The following PDE4D variants were observed in gnomAD, a reference collection of about 807,000 sequenced individuals.
PDE4D encodes the protein 3',5'-cyclic-AMP phosphodiesterase 4D.
A neutral mutation model predicts 87.4 loss-of-function variants in PDE4D; 24 were observed. That is an observed-to-expected ratio of 0.27 (90% CI 0.20 to 0.39). The LOEUF (loss-of-function observed/expected upper bound fraction) is 0.39, where lower values mean the gene tolerates loss of function less well. PDE4D is among the 10% of genes least tolerant of loss of function. The probability of loss-of-function intolerance (pLI) is 1.00; values close to 1 mark genes in which losing one functional copy is unlikely to be tolerated. For synonymous variants in PDE4D, 384 were observed against 383.2 expected (o/e 1.00, Z -0.02); for missense variants, 714 against 1,041.0 (o/e 0.69, Z 4.32).
At chr5:59,182,019 C>T (rs1253272460) in intron 4 of PDE4D, among the ~76,000 whole-genome samples, 1 of 152,008 alleles carries the variant, frequency 6.6e-6, no homozygotes, top group African/African-American at 2.4e-5. Context: ...GCCTCTGGCT[C>T]CCTTTCATTG....
At chr5:59,931,149 A>C (rs1227321694) in intron 3 of PDE4D, among the ~76,000 whole-genome samples, 1 of 152,238 alleles carries the variant, frequency 6.6e-6, no homozygotes, top group African/African-American at 2.4e-5. Flanking sequence ...AAGAAGAGAG[A>C]ACTGTACAAA....
intron 1 of PDE4D, among the ~76,000 whole-genome samples, chr5:60,227,731 A>T (rs928835723): frequency 6.6e-6 from 1 of 152,030 alleles, no homozygotes; most frequent in African/African-American, 2.4e-5. Context: ...GGCCTCTTAA[A>T]TTGGTTCTCC....
At chr5:60,366,230 C>T (rs1760529744) in intron 1 of PDE4D, among the ~76,000 whole-genome samples, 1 of 151,992 alleles carries the variant, frequency 6.6e-6, no homozygotes, top group Non-Finnish European at 1.5e-5. Context: ...GTGCAGATAG[C>T]ATGCTTTTTT....
chr5:60,329,650 A>C (rs1016147839), intron 1 of PDE4D, among the ~76,000 whole-genome samples: 2 of 152,206 alleles, frequency 1.3e-5, no homozygotes, highest in African/African-American at 4.8e-5. Flanking sequence ...ATATGTAAGC[A>C]AAGGGTAAAG....
chr5:59,011,233 C>T (rs1369295973), intron 6 of PDE4D, among the ~76,000 whole-genome samples: 3 of 152,130 alleles, frequency 2.0e-5, no homozygotes, highest in African/African-American at 7.2e-5. Flanking sequence ...ATCAGAGCTC[C>T]TCTTCTCCTC....
chr5:60,275,265 T>C (rs1485679446), intron 1 of PDE4D, among the ~76,000 whole-genome samples: 1 of 152,196 alleles, frequency 6.6e-6, no homozygotes, highest in Non-Finnish European at 1.5e-5. Context: ...TTTTCTGCTC[T>C]TCATTACATA....
chr5:60,154,702 C>T (rs1781809155), intron 2 of PDE4D, among the ~76,000 whole-genome samples: 1 of 152,154 alleles, frequency 6.6e-6, no homozygotes, highest in Admixed American at 6.5e-5. Context: ...TTATCAGCAC[C>T]CAGAAGTCCC....
At chr5:59,784,250 T>C (rs569933925) in intron 1 of PDE4D, among the ~76,000 whole-genome samples, 1 of 150,376 alleles carries the variant, frequency 6.6e-6, no homozygotes, top group Admixed American at 6.6e-5. Context: ...TTTTTTTTTT[T>C]TTAAAAAAAA....
At chr5:60,513,303 T>C (rs1033596541) in intron 1 of PDE4D, among the ~76,000 whole-genome samples, 1 of 152,110 alleles carries the variant, frequency 6.6e-6, no homozygotes. Flanking sequence ...AGTAGCCATG[T>C]TCACACCATA....
intron 1 of PDE4D, among the ~76,000 whole-genome samples, chr5:60,366,777 A>C (rs984407701): frequency 2.0e-5 from 3 of 152,232 alleles, no homozygotes; most frequent in African/African-American, 7.2e-5. Flanking sequence ...GCAGCCGTAC[A>C]GCCCTGGGAG....
intron 1 of PDE4D, among the ~76,000 whole-genome samples, chr5:60,323,551 G>C (rs903957528): frequency 6.6e-6 from 1 of 152,084 alleles, no homozygotes; most frequent in African/African-American, 2.4e-5. Context: ...TTCTCTGCTG[G>C]TCTTTCCCCA....
Position 59,527,428 on chromosome 5 carries a change from A to G in PDE4D, c.456-311460T>C, listed in dbSNP as rs554680664. Among the ~76,000 whole-genome samples the G allele has an allele frequency of 2.0e-5, 3 of 152,334 alleles. No individual in the cohort carries two copies. In the South Asian group the frequency reaches 6.2e-4, roughly 32 times the overall value. On this transcript the variant is annotated intron_variant, in intron 1 of 14. Transcript: ENST00000340635. ...GAACAGTATATTACAGCAGGCAAAG[A>G]AGTTCAGTTGAAAGTTATACTCCTA... is the stretch of plus-strand genomic sequence containing the variant.
chr5:60,181,991 A>G (rs1465301767), intron 2 of PDE4D, among the ~76,000 whole-genome samples: 1 of 152,198 alleles, frequency 6.6e-6, no homozygotes, highest in African/African-American at 2.4e-5. Context: ...GCCAGTAAGA[A>G]AGCAGGCATT....
chr5:59,085,237 T>C (rs1489810677), intron 5 of PDE4D, among the ~76,000 whole-genome samples: 5 of 152,126 alleles, frequency 3.3e-5, no homozygotes, highest in Admixed American at 3.3e-4. Context: ...ATATAGAGAA[T>C]TGTATTTAAT....
chr5:60,219,479 G>C (rs1018017242), intron 1 of PDE4D, among the ~76,000 whole-genome samples: 10 of 152,122 alleles, frequency 6.6e-5, no homozygotes, highest in African/African-American at 2.4e-4. Flanking sequence ...GCACCAGAAA[G>C]TTTTCAATAC....
intron 1 of PDE4D, among the ~76,000 whole-genome samples, chr5:60,386,924 G>A (rs1405209300): frequency 1.3e-5 from 2 of 152,058 alleles, no homozygotes; most frequent in Non-Finnish European, 2.9e-5. Flanking sequence ...CTGTCACCAT[G>A]TCTGATAGAA....
At chr5:60,209,300 C>T (rs1316427253) in intron 1 of PDE4D, among the ~76,000 whole-genome samples, 3 of 147,054 alleles carry the variant, frequency 2.0e-5, no homozygotes, top group Non-Finnish European at 4.5e-5. Flanking sequence ...CCTAATGATA[C>T]GTAGCTTCCC....
chr5:59,047,835 A>G (rs936154262), intron 5 of PDE4D, among the ~76,000 whole-genome samples: 1 of 152,188 alleles, frequency 6.6e-6, no homozygotes, highest in African/African-American at 2.4e-5. Flanking sequence ...GTGCCATTAT[A>G]AGAAGAGGCC....
At chr5:59,641,242 TAA>T (rs922192270) in intron 1 of PDE4D, among the ~76,000 whole-genome samples, 4 of 151,446 alleles carry the variant, frequency 2.6e-5, no homozygotes, top group Admixed American at 6.6e-5. Context: ...TGGTGCCACT[TAA>T]AAAAAAAGTT....
Sources: gnomAD v4.1 joint callset for allele counts (sites outside exome capture counted in the v4.1 genomes callset) on GRCh38, gnomAD v4.1.1 for gene constraint, MANE v1.5 for transcripts, NCBI Gene and HGNC (gene_info 2026-07-23, HGNC 2026-07-21) for gene names.